Variants in SRGAP2 observed in about 807,000 individuals in gnomAD.
SRGAP2 encodes the protein SLIT-ROBO Rho GTPase-activating protein 2.
In SRGAP2, 15 loss-of-function variants were observed where a neutral mutation model predicts 57.2. The ratio of observed to expected loss-of-function variants is 0.26; its 90% CI spans 0.18 to 0.40. The LOEUF (loss-of-function observed/expected upper bound fraction) is 0.40. SRGAP2 is among the 10% of genes least tolerant of loss of function. The pLI is 1.00. For synonymous variants in SRGAP2, 249 were observed against 248.0 expected (o/e 1.00, Z -0.04); for missense variants, 520 against 669.6 (o/e 0.78, Z 2.47).
intron 13 of SRGAP2, among the ~76,000 whole-genome samples, chr1:206,429,592 T>C (rs1182432235): frequency 6.6e-6 from 1 of 152,200 alleles, no homozygotes; most frequent in Non-Finnish European, 1.5e-5. Flanking sequence ...GTGGCCAGCA[T>C]AGCTGTAGCA....
At chr1:206,428,899 C>T (rs1275044828) in intron 13 of SRGAP2, among the ~76,000 whole-genome samples, 2 of 152,074 alleles carry the variant, frequency 1.3e-5, no homozygotes, top group South Asian at 2.1e-4. Context: ...CTGCTGGCCT[C>T]GGCCTCTCAA....
At chr1:206,262,712 C>G (rs1669637739) in intron 2 of SRGAP2, among the ~76,000 whole-genome samples, 2 of 148,316 alleles carry the variant, frequency 1.3e-5, no homozygotes, top group South Asian at 4.4e-4. Context: ...AGAGAAAGTT[C>G]CAAACATGAG....
chr1:206,437,418 T>C (rs1327586040), intron 15 of SRGAP2, among the ~76,000 whole-genome samples: 1 of 152,252 alleles, frequency 6.6e-6, no homozygotes, highest in African/African-American at 2.4e-5. Context: ...ATTAAGGTAA[T>C]GGGCAAGCTT....
chr1:206,452,910 T>TG (rs1341010326), intron 19 of SRGAP2, among the ~76,000 whole-genome samples: 2 of 130,804 alleles, frequency 1.5e-5, no homozygotes, highest in African/African-American at 5.7e-5. Flanking sequence ...AAAAAAAAAA[T>TG]GGGATGCTTG....
At position 206,446,290 on chromosome 1, in the gene SRGAP2, A is replaced by G. The variant is rs1553373782; in HGVS notation, c.2090A>G (p.Glu697Gly). 2 of 780,794 alleles carry G rather than the reference A, an allele frequency of 2.6e-6. No individual in the cohort carries two copies. The highest frequency in any genetic ancestry group is 2.4e-5 in the East Asian group (1 of 41,248). 48.4% of individuals were successfully genotyped at this position (780,794 alleles called of 1,614,324 possible). Residue 697 changes from glutamate to glycine, a missense_variant, in exon 18 of 23, where the codon GAG becomes GGG. Transcript: ENST00000573034. ...GPVYSRGGSM[E>G]DYCDSPHGET... ...GTCTACAGCAGAGGAGGAAGCATGG[A>G]GGATTACTGGTAGGGGGGCTTGGGA...
intron 4 of SRGAP2, among the ~76,000 whole-genome samples, chr1:206,348,096 G>A (rs1417438099): frequency 1.4e-5 from 2 of 146,924 alleles, no homozygotes; most frequent in East Asian, 1.9e-4. Context: ...CTGGTTTGTG[G>A]TAATGTCTGC....
intron 8 of SRGAP2, among the ~76,000 whole-genome samples, chr1:206,402,086 TA>T (rs1482123550): frequency 1.3e-5 from 2 of 151,816 alleles, no homozygotes; most frequent in African/African-American, 4.8e-5. Flanking sequence ...GGCCACATCC[TA>T]GAGGCTTTAG....
intron 3 of SRGAP2, among the ~76,000 whole-genome samples, chr1:206,338,060 C>T (rs1674912702): frequency 6.8e-6 from 1 of 147,958 alleles, no homozygotes; most frequent in Non-Finnish European, 1.5e-5. Flanking sequence ...ATGTCTTCTG[C>T]AGATGTACAG....
At chr1:206,389,474 G>A (rs1656702296) in intron 5 of SRGAP2, among the ~76,000 whole-genome samples, 1 of 152,140 alleles carries the variant, frequency 6.6e-6, no homozygotes, top group African/African-American at 2.4e-5. Context: ...GCCATGCCCG[G>A]CCTGTTCTCA....
At chr1:206,451,134 A>AAAG (rs1572188891) in intron 19 of SRGAP2, among the ~76,000 whole-genome samples, 1 of 151,682 alleles carries the variant, frequency 6.6e-6, no homozygotes, top group East Asian at 1.9e-4. Flanking sequence ...AAAAAAAAAA[A>AAAG]AAAAAGTAAG....
intron 3 of SRGAP2, among the ~76,000 whole-genome samples, chr1:206,312,457 C>T (rs1558297221): frequency 2.6e-5 from 4 of 152,012 alleles, no homozygotes; most frequent in Admixed American, 2.6e-4. Context: ...CGCTGTCAGC[C>T]TTTGGCTTTG....
chr1:206,430,240 C>T lies in SRGAP2; in HGVS notation c.1555+18C>T, dbSNP rs1558424874. 1 of 780,620 alleles carries T rather than the reference C, an allele frequency of 1.3e-6. No individual in the cohort carries two copies. Among genetic ancestry groups the T allele is most frequent in the Non-Finnish European group, 2.4e-6 (1 of 417,792 alleles). The allele number at this position is 780,620 out of a possible 1,614,324, so 48.4% of individuals were successfully genotyped here. A position where few individuals can be genotyped will look rare whatever the true frequency, so the allele number is the denominator to read the frequency against. On this transcript the variant is annotated intron_variant, in intron 14 of 22. Transcript: ENST00000573034. Reference sequence around the variant, plus strand: ...CAGACACGGTAAGCAGGATGACAGCCTTGTCCATATTTGTGCAAAGATTGG... The same window carrying T: ...CAGACACGGTAAGCAGGATGACAGCTTTGTCCATATTTGTGCAAAGATTGG...
chr1:206,444,420 T>C (rs6701879), intron 17 of SRGAP2, among the ~76,000 whole-genome samples: 29,684 of 152,126 alleles, frequency 0.2, 3,124 homozygotes, highest in South Asian at 0.28. Flanking sequence ...CACAGAGCTT[T>C]GACTCAGGAC....
chr1:206,205,017 C>G (rs1665778217), intron 1 of SRGAP2: 1 of 152,000 alleles, frequency 6.6e-6, no homozygotes, highest in East Asian at 1.9e-4. Context: ...TGGCTTATCC[C>G]TCCCCGGCTT....
intron 1 of SRGAP2, chr1:206,204,194 G>A (rs2102412518): frequency 2.1e-6 from 1 of 470,128 alleles, no homozygotes; most frequent in Non-Finnish European, 3.8e-6. Flanking sequence ...CACAGTTCCT[G>A]ACATCCTTGC....
chr1:206,303,849 C>G (rs1672013746), intron 3 of SRGAP2, among the ~76,000 whole-genome samples: 2 of 150,700 alleles, frequency 1.3e-5, no homozygotes, highest in African/African-American at 4.9e-5. Context: ...GGGCTTAACT[C>G]AGGGTCTATC....
chr1:206,285,454 C>T (rs1362734296), intron 2 of SRGAP2, among the ~76,000 whole-genome samples: 1 of 151,986 alleles, frequency 6.6e-6, no homozygotes, highest in Non-Finnish European at 1.5e-5. Context: ...GCAGATTGTG[C>T]CACTTGCTGA....
chr1:206,292,316 A>T (rs1246653571), intron 2 of SRGAP2, among the ~76,000 whole-genome samples: 3 of 152,170 alleles, frequency 2.0e-5, no homozygotes, highest in Non-Finnish European at 4.4e-5. Context: ...GGTCACTCCA[A>T]GTCTCATGCT....
chr1:206,338,026 T>G (rs1465666649), intron 3 of SRGAP2, among the ~76,000 whole-genome samples: 1 of 151,602 alleles, frequency 6.6e-6, no homozygotes, highest in Non-Finnish European at 1.5e-5. Context: ...CAGGTTTATC[T>G]CTTTCAGTGC....
Sources: gnomAD v4.1 joint callset for allele counts (sites outside exome capture counted in the v4.1 genomes callset) on GRCh38, gnomAD v4.1.1 for gene constraint, MANE v1.5 for transcripts, NCBI Gene and HGNC (gene_info 2026-07-23, HGNC 2026-07-21) for gene names.